NRXN1: variants seen among roughly 807,000 people sequenced by gnomAD.
The protein encoded by NRXN1 is neurexin-1.
In NRXN1, 39 loss-of-function variants were observed where a neutral mutation model predicts 150.9. The ratio of observed to expected loss-of-function variants is 0.26; its 90% CI spans 0.20 to 0.34. The LOEUF (loss-of-function observed/expected upper bound fraction) is 0.34, where lower values mean the gene tolerates loss of function less well. NRXN1 is among the 10% of genes least tolerant of loss of function. The pLI is 1.00. For synonymous variants in NRXN1, 924 were observed against 757.0 expected, an observed-to-expected ratio of 1.22 and a Z score of -3.62; for missense variants, 1,815 against 1,949.9, an observed-to-expected ratio of 0.93 and a Z score of 1.30.
chr2:50,849,225 C>G (rs1397051676), intron 5 of NRXN1, among the ~76,000 whole-genome samples: 1 of 152,206 alleles, frequency 6.6e-6, no homozygotes, highest in Non-Finnish European at 1.5e-5. Flanking sequence ...CTTGACCAAA[C>G]TTCACACAGG....
chr2:50,964,567 T>C (rs1265810020), intron 2 of NRXN1, among the ~76,000 whole-genome samples: 1 of 151,492 alleles, frequency 6.6e-6, no homozygotes, highest in African/African-American at 2.4e-5. Context: ...GTGACCACTT[T>C]GTCTCCAAAA....
intron 5 of NRXN1, among the ~76,000 whole-genome samples, chr2:50,684,696 C>T (rs919103363): frequency 1.3e-4 from 20 of 152,076 alleles, no homozygotes; most frequent in Admixed American, 3.9e-4. Flanking sequence ...ATTTAATACC[C>T]GTCAATTGTA....
At chr2:50,524,411 G>A (rs1479235772) in intron 12 of NRXN1, among the ~76,000 whole-genome samples, 2 of 151,746 alleles carry the variant, frequency 1.3e-5, no homozygotes, top group Admixed American at 6.6e-5. Context: ...TCTGGGAGGC[G>A]GAGGTTTCAG....
chr2:50,733,443 C>T (rs1559183403), intron 5 of NRXN1, among the ~76,000 whole-genome samples: 1 of 151,980 alleles, frequency 6.6e-6, no homozygotes, highest in African/African-American at 2.4e-5. Flanking sequence ...AGGAGTGCTG[C>T]GTTTGGGATG....
chr2:50,480,549 G>C (rs140006116), intron 15 of NRXN1, among the ~76,000 whole-genome samples: 2 of 152,154 alleles, frequency 1.3e-5, no homozygotes, highest in African/African-American at 4.8e-5. Flanking sequence ...AGAACACAGA[G>C]AAGCTAACTG....
At chr2:50,317,013 C>T (rs1397046065) in intron 17 of NRXN1, among the ~76,000 whole-genome samples, 1 of 151,878 alleles carries the variant, frequency 6.6e-6, no homozygotes, top group Non-Finnish European at 1.5e-5. Flanking sequence ...TCCACGAGGA[C>T]ATTATTAAAG....
intron 17 of NRXN1, 112 bp from the exon 18 acceptor site, chr2:50,237,082 G>A (rs1188544373): frequency 9.5e-7 from 1 of 1,048,916 alleles, no homozygotes; most frequent in Non-Finnish European, 1.5e-6. Context: ...CAAAACTATG[G>A]CAAAGTAAAT....
At chr2:50,592,059 T>G (rs898481958) in intron 8 of NRXN1, among the ~76,000 whole-genome samples, 3 of 152,200 alleles carry the variant, frequency 2.0e-5, no homozygotes, top group African/African-American at 7.2e-5. Context: ...CCTCTACAGC[T>G]TGGTGATCAC....
Position 49,921,247 on chromosome 2 carries a change from A to T in NRXN1, c.*697T>A, listed in dbSNP as rs200051169. The T allele has an allele frequency of 3.5e-4, 54 of 152,738 alleles. No individual in the cohort carries two copies. Among genetic ancestry groups the T allele is most frequent in the Admixed American group, 2.1e-3 (32 of 15,302 alleles). The allele number at this position is 152,738 out of a possible 1,614,324, so 9.5% of individuals were successfully genotyped here. On this transcript the variant is annotated 3_prime_UTR_variant, in exon 23 of 23. Transcript: ENST00000401669. The stretch of plus-strand genomic sequence containing the variant: ...TGCATGAAAATTTCCCAATGATTGC[A>T]TCTATGCCCTCTTGTTTTTGTTTTG...
At chr2:50,488,164 T>A (rs1156497954) in intron 15 of NRXN1, among the ~76,000 whole-genome samples, 1 of 152,142 alleles carries the variant, frequency 6.6e-6, no homozygotes, top group East Asian at 1.9e-4. Context: ...AAATCACACT[T>A]TTTGAGCCTT....
At position 50,346,945 on chromosome 2, in the gene NRXN1, T is replaced by C. The variant is rs2078039102; in HGVS notation, c.3365-109975A>G. ...GGCGCCGCACCGGAGCATCCTCTGG[T>C]ACATGGCGGGGCGCCCGCCGAGGGG... On this transcript the variant is annotated intron_variant, in intron 17 of 22. Coordinates refer to ENST00000401669, the MANE Select transcript of NRXN1 (RefSeq NM_001330078.2). The surrounding 1 kb of genome is among the most constrained non-coding windows in gnomAD (Gnocchi z 5.0). 4 of 1,369,530 alleles carry C rather than the reference T, an allele frequency of 2.9e-6. No homozygotes were observed. Among genetic ancestry groups the C allele is most frequent in the Non-Finnish European group, 2.8e-6 (3 of 1,061,644 alleles). The allele number at this position is 1,369,530 out of a possible 1,614,324, so 84.8% of individuals were successfully genotyped here. A position where few individuals can be genotyped will look rare whatever the true frequency, so the allele number is the denominator to read the frequency against.
At chr2:50,423,174 A>AT (rs1469628582) in intron 17 of NRXN1, among the ~76,000 whole-genome samples, 1 of 152,088 alleles carries the variant, frequency 6.6e-6, no homozygotes, top group Non-Finnish European at 1.5e-5. Context: ...CTCACCTGGA[A>AT]TTTTGTCTTC....
chr2:50,353,166 C>T (rs916526697), intron 17 of NRXN1, among the ~76,000 whole-genome samples: 3 of 152,194 alleles, frequency 2.0e-5, no homozygotes, highest in Admixed American at 6.5e-5. Context: ...CTGAAATATT[C>T]TGTAATCTCT....
At chr2:50,544,372 A>T (rs1024992579) in intron 9 of NRXN1, among the ~76,000 whole-genome samples, 28 of 152,106 alleles carry the variant, frequency 1.8e-4, no homozygotes, top group African/African-American at 6.0e-4. Flanking sequence ...AGTGTTATTT[A>T]AAAAATTTCT....
intron 9 of NRXN1, among the ~76,000 whole-genome samples, chr2:50,551,104 G>GGA (rs1667455641): frequency 1.4e-4 from 15 of 109,362 alleles, no homozygotes; most frequent in African/African-American, 4.5e-4. Flanking sequence ...AGGAGGAGGA[G>GGA]GGAGGGGGAG....
In NRXN1 at chr2:50,497,407, T is replaced by C. The variant is rs2091697854; in HGVS notation, c.2805A>G (p.Thr935=). ...TSMHLFFQFK[T]TSLDGLILYN... Reference sequence around the variant, plus strand: ...ATAGAATTAATCCATCTAGGGATGTTGTCTTGAACTGGAAAAAAAGATGCA... The same window carrying C: ...ATAGAATTAATCCATCTAGGGATGTCGTCTTGAACTGGAAAAAAAGATGCA... The change falls in exon 14 of 23, where the codon ACA becomes ACG. Residue 935 remains threonine (T), a synonymous_variant. Coordinates refer to ENST00000401669, the MANE Select transcript of NRXN1 (RefSeq NM_001330078.2). The C allele has an allele frequency of 6.2e-7, 1 of 1,604,470 alleles. No individual in the cohort carries two copies. The highest frequency in any genetic ancestry group is 1.7e-5 in the Admixed American group (1 of 59,464).
chr2:50,805,767 G>T (rs766276369), intron 5 of NRXN1, among the ~76,000 whole-genome samples: 17 of 152,174 alleles, frequency 1.1e-4, no homozygotes, highest in Non-Finnish European at 2.5e-4. Context: ...AATATGGAGA[G>T]AAATATTTAT....
At chr2:50,087,964 C>T (rs1430246772) in intron 19 of NRXN1, among the ~76,000 whole-genome samples, 7 of 152,146 alleles carry the variant, frequency 4.6e-5, no homozygotes, top group African/African-American at 1.7e-4. Context: ...TTACTAATTT[C>T]AATCCTTATT....
At chr2:50,811,134 G>A (rs542437423) in intron 5 of NRXN1, among the ~76,000 whole-genome samples, 2 of 152,230 alleles carry the variant, frequency 1.3e-5, no homozygotes, top group South Asian at 2.1e-4. Flanking sequence ...GATAAATAAA[G>A]TATGGTGTTT....
Sources: gnomAD v4.1 joint callset for allele counts (sites outside exome capture counted in the v4.1 genomes callset) on GRCh38, gnomAD v4.1.1 for gene constraint, Gnocchi (gnomAD v3.1) non-coding constraint, MANE v1.5 for transcripts, NCBI Gene and HGNC (gene_info 2026-07-23, HGNC 2026-07-21) for gene names.